The following AGBL1 variants were observed in gnomAD, a reference collection of about 807,000 sequenced individuals.
AGBL1 encodes AGBL carboxypeptidase 1, also known as cytosolic carboxypeptidase 4.
Under a neutral mutation model 118.9 loss-of-function variants are expected in AGBL1, and 130 were observed. That is an observed-to-expected ratio of 1.09 (90% CI 0.95 to 1.26). AGBL1 has a LOEUF of 1.26. AGBL1 is among the 50% of genes most tolerant of loss of function. AGBL1 has a pLI of 0.00. For missense variants in AGBL1, 1,584 were observed against 1,298.1 expected (o/e 1.22, Z -3.38); for synonymous variants, 555 against 478.9 (o/e 1.16, Z -2.08).
At chr15:86,988,319 A>G (rs1449245406) in intron 24 of AGBL1, 2 of 431,898 alleles carry the variant, frequency 4.6e-6, no homozygotes, top group Non-Finnish European at 8.2e-6. Flanking sequence ...TTCTGTATGC[A>G]TAGAACTCAG....
At chr15:86,593,860 G>A (rs1278309954) in intron 21 of AGBL1, among the ~76,000 whole-genome samples, 1 of 151,136 alleles carries the variant, frequency 6.6e-6, no homozygotes, top group African/African-American at 2.4e-5. Flanking sequence ...TACAATATGT[G>A]TTCCTGTTTC....
chr15:86,216,121 CTTGTTTA>C (rs1240174621), intron 5 of AGBL1, among the ~76,000 whole-genome samples: 1 of 152,126 alleles, frequency 6.6e-6, no homozygotes. Flanking sequence ...CCTTGCAAAA[CTTGTTTA>C]TTAGTTTTAA....
chr15:86,080,046 C>A (rs1849911349), intron 1 of AGBL1, 23 bp downstream of exon 1: 1 of 1,231,898 alleles, frequency 8.1e-7, no homozygotes, highest in African/African-American at 1.6e-5. Context: ...AGAGTGGGTG[C>A]AGAACCCGGC....
intron 21 of AGBL1, among the ~76,000 whole-genome samples, chr15:86,658,073 G>T (rs1276375874): frequency 6.6e-6 from 1 of 151,960 alleles, no homozygotes; most frequent in Non-Finnish European, 1.5e-5. Context: ...ATATATGTAT[G>T]TATGTGTGTA....
chr15:86,905,129 G>T (rs909062986), intron 22 of AGBL1, among the ~76,000 whole-genome samples: 1 of 152,164 alleles, frequency 6.6e-6, no homozygotes, highest in Non-Finnish European at 1.5e-5. Flanking sequence ...GTTGGCAGAC[G>T]GTTTTAGGAA....
At chr15:86,555,815 G>A (rs1166395884) in intron 21 of AGBL1, among the ~76,000 whole-genome samples, 2 of 151,974 alleles carry the variant, frequency 1.3e-5, no homozygotes, top group African/African-American at 2.4e-5. Context: ...AGGTTTTGTA[G>A]GGACTAAAAG....
intron 24 of AGBL1, among the ~76,000 whole-genome samples, chr15:87,014,376 A>T (rs751526016): frequency 5.9e-5 from 9 of 152,158 alleles, no homozygotes; most frequent in Non-Finnish European, 1.2e-4. Flanking sequence ...TTTCGTTGAG[A>T]GGAAGGGCAG....
At chr15:86,347,488 C>T (rs2080556526) in intron 17 of AGBL1, among the ~76,000 whole-genome samples, 1 of 152,170 alleles carries the variant, frequency 6.6e-6, no homozygotes, top group Non-Finnish European at 1.5e-5. Context: ...AGAGACAAAG[C>T]CTATTTTATG....
Position 86,948,446 on chromosome 15 carries a change from G to A in AGBL1, c.3222-39541G>A, listed in dbSNP as rs75025493. ...AGATAAATATAAGAATACTAATATCGAAGGAAAAAGAAATGAATCTATTTA... is the reference window on the plus strand; with the variant it reads ...AGATAAATATAAGAATACTAATATCAAAGGAAAAAGAAATGAATCTATTTA... On this transcript the variant is annotated intron_variant, in intron 23 of 24. Coordinates refer to the AGBL1 transcript ENST00000441037. 3.8e-3 allele frequency among the ~76,000 whole-genome samples: 571 copies of A among 152,210 alleles called. 1 individual carries two copies. Among genetic ancestry groups the A allele is most frequent in the Non-Finnish European group, 6.2e-3 (425 of 68,010 alleles).
At chr15:86,404,052 T>C (rs1304787819) in intron 18 of AGBL1, among the ~76,000 whole-genome samples, 2 of 152,172 alleles carry the variant, frequency 1.3e-5, no homozygotes. Context: ...AAATCCTTTG[T>C]TCATTTTGGT....
chr15:86,918,191 C>T (rs141915683), downstream of AGBL1, among the ~76,000 whole-genome samples: 1 of 152,144 alleles, frequency 6.6e-6, no homozygotes, highest in African/African-American at 2.4e-5. Context: ...AGACCTTGGG[C>T]TGAATGTTTA....
chr15:86,861,142 A>T (rs2079554528), intron 22 of AGBL1, among the ~76,000 whole-genome samples: 3 of 151,898 alleles, frequency 2.0e-5, no homozygotes, highest in South Asian at 4.2e-4. Flanking sequence ...CTGCTCCCAA[A>T]TTTTTTCTAG....
intron 23 of AGBL1, among the ~76,000 whole-genome samples, chr15:86,980,128 C>A (rs942411903): frequency 6.8e-6 from 1 of 146,580 alleles, no homozygotes; most frequent in Non-Finnish European, 1.5e-5. Flanking sequence ...ATTCTTTGCC[C>A]TCCTAGAGCA....
At chr15:86,783,295 A>G (rs190771126) in intron 22 of AGBL1, among the ~76,000 whole-genome samples, 2 of 152,338 alleles carry the variant, frequency 1.3e-5, no homozygotes, top group East Asian at 1.9e-4. Context: ...CTCATCTTCT[A>G]CTAAAGACAT....
intron 18 of AGBL1, among the ~76,000 whole-genome samples, chr15:86,458,122 G>A (rs1255516985): frequency 1.3e-5 from 2 of 152,246 alleles, no homozygotes; most frequent in East Asian, 1.9e-4. Flanking sequence ...AGGCTCAGAA[G>A]GCTGGCTTAA....
intron 18 of AGBL1, among the ~76,000 whole-genome samples, chr15:86,514,161 CAT>C (rs1491506361): frequency 0.025 from 3,485 of 141,868 alleles, 64 homozygotes; most frequent in Middle Eastern, 0.084. Flanking sequence ...CACACACACA[CAT>C]ACACATCTAT....
At position 86,125,271 on chromosome 15, in the gene AGBL1, C is replaced by T. The variant is rs139755782; in HGVS notation, c.52-16733C>T. ...TAACTGTTGCCTCTATTTGGAAAGA[C>T]CCTCCACTTCCTCACTGTCCATCAC... On this transcript the variant is annotated intron_variant, in intron 1 of 22. Transcript: ENST00000614907. 6.6e-3 allele frequency among the ~76,000 whole-genome samples: 1,003 copies of T among 152,290 alleles called. 8 individuals carry two copies. Among genetic ancestry groups the T allele is most frequent in the Middle Eastern group, 0.027 (8 of 294 alleles).
chr15:86,828,661 A>G (rs1241195933), intron 22 of AGBL1, among the ~76,000 whole-genome samples: 1 of 152,116 alleles, frequency 6.6e-6, no homozygotes, highest in Non-Finnish European at 1.5e-5. Context: ...CGCTTCTGAC[A>G]CCTTGCCTTT....
chr15:86,925,370 C>T (rs1019841954), intron 23 of AGBL1, among the ~76,000 whole-genome samples: 7 of 152,064 alleles, frequency 4.6e-5, no homozygotes, highest in Non-Finnish European at 8.8e-5. Flanking sequence ...AAGGAACACC[C>T]TTTGAGAACT....
Sources: allele counts gnomAD v4.1 joint callset (sites outside exome capture counted in the v4.1 genomes callset), GRCh38; gene constraint gnomAD v4.1.1; transcripts MANE v1.5; gene names NCBI Gene and HGNC (gene_info 2026-07-23, HGNC 2026-07-21).